RIC3: variants seen among roughly 807,000 people sequenced by gnomAD.
The protein encoded by RIC3 is RIC3 acetylcholine receptor chaperone.
Under a neutral mutation model 27.3 loss-of-function variants are expected in RIC3, and 28 were observed. The ratio of observed to expected loss-of-function variants is 1.02; its 90% CI spans 0.76 to 1.41. The LOEUF (loss-of-function observed/expected upper bound fraction) is 1.41, where lower values mean the gene tolerates loss of function less well. Among genes scored for constraint, RIC3 ranks in the 40% most tolerant of loss-of-function variants. The pLI, the probability that RIC3 is intolerant of heterozygous loss-of-function variation, is 0.00. For missense variants in RIC3, 501 were observed against 444.7 expected (o/e 1.13, Z -1.14); for synonymous variants, 184 against 160.4 (o/e 1.15, Z -1.11).
chr11:8,094,113 C>T, the RIC3 span: 1 of 1,614,152 alleles, frequency 6.2e-7, no homozygotes, highest in Non-Finnish European at 8.5e-7. Context: ...CAGCTTCAGC[C>T]AAGAGAACCA....
At position 8,168,898 on chromosome 11, in the gene RIC3, C is replaced by G. The variant is rs765765506; in HGVS notation, c.92G>C (p.Gly31Ala). Residue 31 changes from glycine to alanine, a missense_variant, in exon 1 of 6, where the codon GGG (glycine) becomes GCG (alanine). Transcript: ENST00000309737. ...TGTCGGCGGCGGCTCCTGCCGCTTC[C>G]CGCGGGACAGGAAGGCCTTGGGCAG... ...LLLPKAFLSR[G>A]KRQEPPPTPE... 4.3e-6 allele frequency: 7 copies of G among 1,611,446 alleles called. No individual in the cohort carries two copies. The East Asian group carries it at 1.1e-4, about 26-fold the overall frequency.
At chr11:8,130,400 A>AACC (rs1947546948) in intron 4 of RIC3, among the ~76,000 whole-genome samples, 1 of 152,162 alleles carries the variant, frequency 6.6e-6, no homozygotes, top group African/African-American at 2.4e-5. Context: ...TAAATGCCCA[A>AACC]AGCTGCTCTG....
At position 8,111,088 on chromosome 11, in the gene RIC3, C is replaced by T; in HGVS notation, c.720G>A (p.Lys240=). 6.2e-7 allele frequency: 1 copy of T among 1,613,640 alleles called. No homozygotes were observed. The highest frequency in any genetic ancestry group is 8.5e-7 in the Non-Finnish European group (1 of 1,179,790). The part of the protein sequence containing the change: ...YPIYDLSDCI[K]RRQETILVDY... The stretch of plus-strand genomic sequence containing the variant: ...CCACCAAGATTGTTTCTTGCCTACG[C>T]TTGATACAGTCTGAAAGGTCATAAA... The change falls in exon 6 of 6, where the codon AAG becomes AAA. Residue 240 remains lysine (K), a synonymous_variant. Coordinates refer to ENST00000309737, the MANE Select transcript of RIC3 (RefSeq NM_001206671.4).
the RIC3 span, among the ~76,000 whole-genome samples, chr11:8,096,972 G>T: frequency 6.6e-6 from 1 of 152,186 alleles, no homozygotes; most frequent in African/African-American, 2.4e-5. Flanking sequence ...CCAGCAGGGT[G>T]ATGTATGGGG....
In RIC3 at chr11:8,106,291, C is replaced by T. The variant is rs1033766290; in HGVS notation, c.*4407G>A. 6.6e-6 allele frequency: 1 copy of T among 152,096 alleles called. No homozygotes were observed. The highest frequency in any genetic ancestry group is 2.4e-5 in the African/African-American group (1 of 41,418). The allele number at this position is 152,096 out of a possible 1,614,324, so 9.4% of individuals were successfully genotyped here. A position where few individuals can be genotyped will look rare whatever the true frequency, so the allele number is the denominator to read the frequency against. Reference sequence around the variant, plus strand: ...AGGGGAAAAAAGCCCTGTTTACTTCCTAATTTTTTTCTATACCTTTCATTC... The same window carrying T: ...AGGGGAAAAAAGCCCTGTTTACTTCTTAATTTTTTTCTATACCTTTCATTC... On this transcript the variant is annotated 3_prime_UTR_variant, in exon 6 of 6. Transcript: ENST00000309737.
At chr11:8,161,914 T>C (rs1213549548) in intron 1 of RIC3, among the ~76,000 whole-genome samples, 1 of 139,128 alleles carries the variant, frequency 7.2e-6, no homozygotes, top group African/African-American at 2.7e-5. Flanking sequence ...AGACACTCAC[T>C]TTCTCCGGGC....
the RIC3 span, chr11:8,095,436 T>C: frequency 6.5e-7 from 1 of 1,531,112 alleles, no homozygotes; most frequent in South Asian, 1.2e-5. Flanking sequence ...CATGGACGTC[T>C]GAGAATCCAG....
chr11:8,119,346 G>T, intron 5 of RIC3, among the ~76,000 whole-genome samples: 1 of 152,110 alleles, frequency 6.6e-6, no homozygotes, highest in East Asian at 1.9e-4. Flanking sequence ...CCAAAATAGA[G>T]ATATAGACCA....
At chr11:8,098,724 G>A in the RIC3 span, 5 of 1,500,030 alleles carry the variant, frequency 3.3e-6, no homozygotes, top group Middle Eastern at 5.7e-4. Context: ...GGCAGAGGGT[G>A]CATGACTCTA....
At chr11:8,093,673 G>T in the RIC3 span, among the ~76,000 whole-genome samples, 1 of 152,176 alleles carries the variant, frequency 6.6e-6, no homozygotes, top group African/African-American at 2.4e-5. Flanking sequence ...TGCAGCCTTT[G>T]TTCTTTCTTC....
intron 5 of RIC3, among the ~76,000 whole-genome samples, chr11:8,113,198 CCCAG>C (rs1322511467): frequency 6.6e-6 from 1 of 152,222 alleles, no homozygotes; most frequent in Admixed American, 6.5e-5. Flanking sequence ...CTAGTCAGCT[CCCAG>C]CCACTGAATG....
intron 5 of RIC3, among the ~76,000 whole-genome samples, chr11:8,118,996 G>A (rs1159556997): frequency 6.6e-6 from 1 of 152,116 alleles, no homozygotes; most frequent in East Asian, 1.9e-4. Context: ...TGGAAATTAT[G>A]AGGAAAAAAG....
intron 1 of RIC3, among the ~76,000 whole-genome samples, chr11:8,141,878 A>G (rs1413621552): frequency 1.3e-5 from 2 of 152,004 alleles, no homozygotes; most frequent in Non-Finnish European, 2.9e-5. Context: ...AATCTCACTC[A>G]AAACCGCTCA....
At position 8,116,618 on chromosome 11, in the gene RIC3, C is replaced by G. The variant is rs192986411; in HGVS notation, c.671-5481G>C. 1.6e-4 allele frequency among the ~76,000 whole-genome samples: 24 copies of G among 152,292 alleles called. No individual in the cohort carries two copies. The East Asian group carries it at 4.2e-3, about 27-fold the overall frequency. On this transcript the variant is annotated intron_variant, in intron 5 of 5. Coordinates refer to ENST00000309737, the MANE Select transcript of RIC3 (RefSeq NM_001206671.4). ...GGGCAAAGGATATAAATAGACACTT[C>G]TCAAGAGAAGACAGAAAAATAGTCA...
In RIC3 at chr11:8,126,758, G is replaced by A; in HGVS notation, c.571C>T (p.Leu191Phe). 1 of 1,614,118 alleles carries A rather than the reference G, an allele frequency of 6.2e-7. No individual in the cohort carries two copies. The highest frequency in any genetic ancestry group is 8.5e-7 in the Non-Finnish European group (1 of 1,180,024). Reference sequence around the variant, plus strand: ...TTCATGACCCTGGTGATTTCTCGGAGCTGATGTAGCAACCGTTTCTCTTGG... The same window carrying A: ...TTCATGACCCTGGTGATTTCTCGGAACTGATGTAGCAACCGTTTCTCTTGG... ...SDQEKRLLHQ[L>F]REITRVMKEG... Residue 191 changes from leucine to phenylalanine, a missense_variant, in exon 5 of 6, where the codon CTC (leucine) becomes TTC (phenylalanine). Physicochemically the swap from Leu to Phe is conservative, Grantham distance 22. Transcript: ENST00000309737.
intron 4 of RIC3, among the ~76,000 whole-genome samples, chr11:8,133,703 G>A (rs1168221992): frequency 6.6e-6 from 1 of 152,216 alleles, no homozygotes; most frequent in Non-Finnish European, 1.5e-5. Flanking sequence ...ATGTAGTACA[G>A]TGACAGCTTC....
chr11:8,114,838 GA>G (rs1945674060), intron 5 of RIC3, among the ~76,000 whole-genome samples: 2 of 151,906 alleles, frequency 1.3e-5, no homozygotes. Flanking sequence ...GAATTGAAAT[GA>G]AAAATGCAAT....
At chr11:8,103,710 T>A (rs1418803205), downstream of RIC3, 1 of 152,634 alleles carries the variant, frequency 6.6e-6, no homozygotes, top group Non-Finnish European at 1.5e-5. Context: ...TCCCTGCCTT[T>A]AAGGAGAAGA....
Position 8,168,941 on chromosome 11 carries a change from G to A in RIC3, c.49C>T (p.Leu17=), listed in dbSNP as rs368542315. 71 of 1,610,618 alleles carry A rather than the reference G, an allele frequency of 4.4e-5. No homozygotes were observed. The highest frequency in any genetic ancestry group is 1.2e-4 in the South Asian group (11 of 90,838). Residue 17 remains leucine (L), a synonymous_variant, in exon 1 of 6, where the codon CTG becomes TTG. Coordinates refer to ENST00000309737, the MANE Select transcript of RIC3 (RefSeq NM_001206671.4). ...TTGGGCAGCAGCAGCGACAGAGCCAGGACAAGCCCAGAAGCCAGAGCGACT... is the reference window on the plus strand; with the variant it reads ...TTGGGCAGCAGCAGCGACAGAGCCAAGACAAGCCCAGAAGCCAGAGCGACT... The part of the protein sequence containing the change: ...QRVALASGLV[L]ALSLLLPKAF...
Sources: gnomAD v4.1 joint callset for allele counts (sites outside exome capture counted in the v4.1 genomes callset) on GRCh38, gnomAD v4.1.1 for gene constraint, MANE v1.5 for transcripts, NCBI Gene and HGNC (gene_info 2026-07-23, HGNC 2026-07-21) for gene names.